The following SETBP1 variants were observed in gnomAD, a reference collection of about 807,000 sequenced individuals.
SETBP1 encodes the protein SET-binding protein.
SETBP1 carries 9 observed loss-of-function variants against 101.0 expected under a neutral mutation model. The ratio of observed to expected loss-of-function variants is 0.09; its 90% CI spans 0.05 to 0.16. SETBP1 has a LOEUF of 0.16. SETBP1 is among the 10% of genes least tolerant of loss of function. The pLI, the probability that SETBP1 is intolerant of heterozygous loss-of-function variation, is 1.00. For synonymous variants in SETBP1, 818 were observed against 788.5 expected, an observed-to-expected ratio of 1.04 and a Z score of -0.63; for missense variants, 1,858 against 2,033.8, an observed-to-expected ratio of 0.91 and a Z score of 1.66.
intron 3 of SETBP1, among the ~76,000 whole-genome samples, chr18:44,873,436 G>C (rs2069324768): frequency 6.6e-6 from 1 of 152,184 alleles, no homozygotes; most frequent in Non-Finnish European, 1.5e-5. Context: ...TCTTCCATTA[G>C]AGAAGTGCAG....
intron 2 of SETBP1, among the ~76,000 whole-genome samples, chr18:44,851,769 C>A (rs767883258): frequency 3.9e-5 from 6 of 152,174 alleles, no homozygotes; most frequent in Non-Finnish European, 8.8e-5. Flanking sequence ...TGCTTTCAGT[C>A]TGCCATCTGC....
At chr18:45,059,683 G>T (rs953577120) in intron 5 of SETBP1, among the ~76,000 whole-genome samples, 2 of 152,132 alleles carry the variant, frequency 1.3e-5, no homozygotes, top group Admixed American at 1.3e-4. Flanking sequence ...TGAAAATTAG[G>T]TGATATTAAA....
chr18:44,815,170 G>C (rs1041020798), intron 2 of SETBP1, among the ~76,000 whole-genome samples: 3 of 152,192 alleles, frequency 2.0e-5, no homozygotes, highest in African/African-American at 7.2e-5. Context: ...CATATTTCCA[G>C]TGCATGTTGA....
chr18:45,041,006 G>C (rs2073497295), intron 5 of SETBP1, among the ~76,000 whole-genome samples: 1 of 152,224 alleles, frequency 6.6e-6, no homozygotes, highest in Non-Finnish European at 1.5e-5. Context: ...AAACCTGGGA[G>C]AGCTAGAAAC....
At chr18:44,715,095 G>A (rs1377273774) in intron 2 of SETBP1, among the ~76,000 whole-genome samples, 1 of 152,202 alleles carries the variant, frequency 6.6e-6, no homozygotes, top group Non-Finnish European at 1.5e-5. Context: ...TCCAGCAGTG[G>A]AAGCTATCTT....
At chr18:44,913,059 A>T (rs1053425004) in intron 3 of SETBP1, among the ~76,000 whole-genome samples, 4 of 152,190 alleles carry the variant, frequency 2.6e-5, no homozygotes, top group African/African-American at 4.8e-5. Context: ...AAAAGAGGAG[A>T]CAATGTCCTT....
Position 45,063,800 on chromosome 18 carries a change from C to A in SETBP1, c.*102C>A. On this transcript the variant is annotated 3_prime_UTR_variant, in exon 6 of 6. Coordinates refer to ENST00000649279, the MANE Select transcript of SETBP1 (RefSeq NM_015559.3). Reference sequence around the variant, plus strand: ...ATCCCCCGCTGCAGGGACACCCACGCCCTTCTCTCCAGAAGCCGGGCAGGC... The same window carrying A: ...ATCCCCCGCTGCAGGGACACCCACGACCTTCTCTCCAGAAGCCGGGCAGGC... 3 of 1,336,818 alleles carry A rather than the reference C, an allele frequency of 2.2e-6. No homozygotes were observed. The highest frequency in any genetic ancestry group is 1.4e-5 in the South Asian group (1 of 74,066). 82.8% of individuals were successfully genotyped at this position (1,336,818 alleles called of 1,614,324 possible).
intron 3 of SETBP1, among the ~76,000 whole-genome samples, chr18:44,916,421 C>A (rs1264983077): frequency 1.3e-5 from 2 of 152,148 alleles, no homozygotes; most frequent in East Asian, 3.8e-4. Flanking sequence ...TTTTGCCTGC[C>A]ACCCATGAAT....
At chr18:44,734,875 T>C (rs1205957310) in intron 2 of SETBP1, among the ~76,000 whole-genome samples, 1 of 152,238 alleles carries the variant, frequency 6.6e-6, no homozygotes, top group Non-Finnish European at 1.5e-5. Flanking sequence ...GGGTTTAATT[T>C]ATTGGCATTT....
chr18:44,951,396 A>C lies in SETBP1; in HGVS notation c.2056A>C (p.Ser686Arg). ...NILNQILSCS[S>R]SVALKAKAPP... is the part of the protein sequence containing the mutation. ...CTTGAATCAGATCTTGTCCTGTTCC[A>C]GCAGCGTTGCTCTGAAGGCAAAAGC... The change falls in exon 4 of 6, where the codon AGC becomes CGC. Residue 686 changes from serine to arginine, a missense_variant. Ser to Arg is a moderately radical substitution (Grantham distance 110). Transcript: ENST00000649279. The surrounding 1 kb of genome is among the most constrained non-coding windows in gnomAD (Gnocchi z 7.8). 6.2e-7 allele frequency: 1 copy of C among 1,614,192 alleles called. No homozygotes were observed. Among genetic ancestry groups the C allele is most frequent in the South Asian group, 1.1e-5 (1 of 91,080 alleles).
chr18:44,943,214 T>C (rs1232402924), intron 3 of SETBP1, among the ~76,000 whole-genome samples: 1 of 152,224 alleles, frequency 6.6e-6, no homozygotes, highest in Admixed American at 6.5e-5. Flanking sequence ...AGTTTTGTTT[T>C]AAATTAAATG....
chr18:44,745,725 C>T (rs993538675), intron 2 of SETBP1, among the ~76,000 whole-genome samples: 4 of 152,016 alleles, frequency 2.6e-5, no homozygotes, highest in Non-Finnish European at 4.4e-5. Flanking sequence ...AATGGGGAGT[C>T]AATAAGGAGA....
At chr18:44,753,617 C>A (rs753706833) in intron 2 of SETBP1, among the ~76,000 whole-genome samples, 4 of 152,232 alleles carry the variant, frequency 2.6e-5, no homozygotes, top group Non-Finnish European at 1.5e-5. Context: ...CACCCTATCC[C>A]ATGCCTGCCA....
intron 4 of SETBP1, among the ~76,000 whole-genome samples, chr18:44,971,052 T>A (rs1599392783): frequency 7.3e-6 from 1 of 137,846 alleles, no homozygotes; most frequent in African/African-American, 2.7e-5. Context: ...CAGGCCCCAG[T>A]GTGTGATGTT....
At chr18:44,869,859 T>A (rs908477145) in intron 3 of SETBP1, 1 of 176,652 alleles carries the variant, frequency 5.7e-6, no homozygotes, top group African/African-American at 2.4e-5. Context: ...GAGACTTTTT[T>A]GCAGGGGTGA....
At chr18:45,009,028 C>T (rs1003035708) in intron 4 of SETBP1, among the ~76,000 whole-genome samples, 1 of 152,108 alleles carries the variant, frequency 6.6e-6, no homozygotes, top group Non-Finnish European at 1.5e-5. Context: ...GCAATTGCCA[C>T]CGTGTGCTGT....
chr18:44,763,521 G>A (rs1019945999), intron 2 of SETBP1, among the ~76,000 whole-genome samples: 3 of 152,196 alleles, frequency 2.0e-5, no homozygotes, highest in African/African-American at 7.2e-5. Context: ...GAGCTGCGTT[G>A]TTTGCAGTTG....
intron 4 of SETBP1, among the ~76,000 whole-genome samples, chr18:44,971,720 GTTGT>G (rs1341232086): frequency 1.3e-5 from 2 of 152,132 alleles, no homozygotes; most frequent in African/African-American, 2.4e-5. Flanking sequence ...TTTTGATGGG[GTTGT>G]TTGTTTTTTC....
chr18:44,880,008 CA>C (rs1182198533), intron 3 of SETBP1, among the ~76,000 whole-genome samples: 2 of 152,332 alleles, frequency 1.3e-5, no homozygotes, highest in South Asian at 4.1e-4. Context: ...ATCCTCTCCA[CA>C]TATTTCTGGA....
Sources: gnomAD v4.1 joint callset for allele counts (sites outside exome capture counted in the v4.1 genomes callset) on GRCh38, gnomAD v4.1.1 for gene constraint, Gnocchi (gnomAD v3.1) non-coding constraint, MANE v1.5 for transcripts, NCBI Gene and HGNC (gene_info 2026-07-23, HGNC 2026-07-21) for gene names.